The following MGAT4C variants were observed in gnomAD, a reference collection of about 807,000 sequenced individuals.
MGAT4C encodes the protein alpha-1,3-mannosyl-glycoprotein 4-beta-N-acetylglucosaminyltransferase C.
In MGAT4C, 19 loss-of-function variants were observed where a neutral mutation model predicts 40.1. That is an observed-to-expected ratio of 0.47 (90% CI 0.33 to 0.70). The LOEUF is 0.70. MGAT4C is among the 30% of genes least tolerant of loss of function. The probability of loss-of-function intolerance (pLI) is 0.02; values close to 1 mark genes in which losing one functional copy is unlikely to be tolerated. For synonymous variants in MGAT4C, 181 were observed against 187.1 expected (o/e 0.97, Z 0.27); for missense variants, 491 against 563.2 (o/e 0.87, Z 1.30).
intron 1 of MGAT4C, among the ~76,000 whole-genome samples, chr12:86,797,554 G>C (rs1423985955): frequency 6.6e-6 from 1 of 151,708 alleles, no homozygotes; most frequent in Non-Finnish European, 1.5e-5. Flanking sequence ...TCTGTTTGTA[G>C]ACCCATTGCA....
Position 85,996,841 on chromosome 12 carries a change from A to G in MGAT4C, c.-6-7289T>C, listed in dbSNP as rs145431626. Reference sequence around the variant, plus strand: ...AAATAAATTCATTCATTTTCAATATATGAATATCGAAGTCCTCTATTTAAA... The same window carrying G: ...AAATAAATTCATTCATTTTCAATATGTGAATATCGAAGTCCTCTATTTAAA... On this transcript the variant is annotated intron_variant, in intron 2 of 4. Coordinates refer to ENST00000611864, the MANE Select transcript of MGAT4C (RefSeq NM_001351288.2). Among the ~76,000 whole-genome samples, 255 of 152,352 alleles carry G rather than the reference A, an allele frequency of 1.7e-3. 2 individuals carry two copies. The highest frequency in any genetic ancestry group is 5.8e-3 in the African/African-American group (241 of 41,582).
chr12:86,713,123 G>T (rs1441120903), intron 2 of MGAT4C, among the ~76,000 whole-genome samples: 2 of 151,154 alleles, frequency 1.3e-5, no homozygotes, highest in South Asian at 2.1e-4. Flanking sequence ...CACACACCAT[G>T]CTATTTATAC....
Position 86,642,808 on chromosome 12 carries a change from A to G in MGAT4C, c.-229+84401T>C. 2.0e-5 allele frequency among the ~76,000 whole-genome samples: 3 copies of G among 151,604 alleles called. No individual in the cohort carries two copies. The South Asian group carries it at 6.2e-4, about 31-fold the overall frequency. On this transcript the variant is annotated intron_variant, in intron 2 of 7. Transcript: ENST00000548651. ...CATTTTATATGTATATATATATTTT[A>G]TATGTATATCTATGTGATACCACAT...
chr12:86,030,421 A>C (rs1297654434), intron 2 of MGAT4C, among the ~76,000 whole-genome samples: 1 of 151,770 alleles, frequency 6.6e-6, no homozygotes, highest in Non-Finnish European at 1.5e-5. Context: ...GAGTATGACT[A>C]CATGTACAGA....
chr12:86,199,359 A>G (rs934037464), intron 1 of MGAT4C, among the ~76,000 whole-genome samples: 17 of 131,766 alleles, frequency 1.3e-4, no homozygotes, highest in African/African-American at 4.4e-4. Flanking sequence ...GAGAGATGAC[A>G]ATGTTAAGGG....
At chr12:86,281,899 C>A (rs1363872229) in intron 4 of MGAT4C, among the ~76,000 whole-genome samples, 4 of 152,010 alleles carry the variant, frequency 2.6e-5, no homozygotes, top group African/African-American at 9.7e-5. Context: ...TTTTCCCTTT[C>A]TTTAGCCTTT....
At chr12:86,689,586 T>TC (rs1950137727) in intron 2 of MGAT4C, among the ~76,000 whole-genome samples, 2 of 152,210 alleles carry the variant, frequency 1.3e-5, no homozygotes, top group South Asian at 4.1e-4. Context: ...TGCAGGTCTG[T>TC]TGGAGTTTGC....
chr12:86,706,218 TG>T (rs1950454535), intron 2 of MGAT4C, among the ~76,000 whole-genome samples: 1 of 152,178 alleles, frequency 6.6e-6, no homozygotes, highest in African/African-American at 2.4e-5. Context: ...CTACATTTTT[TG>T]TCTTACTGGA....
intron 2 of MGAT4C, among the ~76,000 whole-genome samples, chr12:86,717,093 C>CT (rs911495894): frequency 6.6e-6 from 1 of 151,666 alleles, no homozygotes; most frequent in African/African-American, 2.4e-5. Context: ...ATGTTGTGCT[C>CT]TTTTTTTGGC....
At chr12:86,808,779 C>A (rs1325494813) in intron 1 of MGAT4C, among the ~76,000 whole-genome samples, 1 of 151,950 alleles carries the variant, frequency 6.6e-6, no homozygotes, top group South Asian at 2.1e-4. Context: ...TTGTCCAGCA[C>A]AATCAAGCAA....
intron 1 of MGAT4C, among the ~76,000 whole-genome samples, chr12:86,800,431 T>C (rs761033239): frequency 6.6e-6 from 1 of 151,880 alleles, no homozygotes; most frequent in African/African-American, 2.4e-5. Flanking sequence ...TTATAATCAA[T>C]ACTTGAATTA....
chr12:86,148,059 C>T (rs977383941), intron 1 of MGAT4C, among the ~76,000 whole-genome samples: 4 of 152,050 alleles, frequency 2.6e-5, no homozygotes, highest in South Asian at 2.1e-4. Flanking sequence ...AAAACTACAA[C>T]ATCTATATTG....
At chr12:86,490,385 C>T (rs185669242) in intron 2 of MGAT4C, among the ~76,000 whole-genome samples, 4 of 151,680 alleles carry the variant, frequency 2.6e-5, no homozygotes, top group African/African-American at 4.8e-5. Context: ...AGAGATTTTG[C>T]CACCACCAGG....
rs114619539 is a variant in MGAT4C at position 86,440,879 on chromosome 12, T to A, written c.-228-5614A>T. Among the ~76,000 whole-genome samples, 379 of 151,466 alleles carry A rather than the reference T, an allele frequency of 2.5e-3. 2 individuals are homozygous for A. Among genetic ancestry groups the A allele is most frequent in the African/African-American group, 8.8e-3 (365 of 41,332 alleles). On this transcript the variant is annotated intron_variant, in intron 2 of 7. Coordinates refer to the MGAT4C transcript ENST00000548651. ...ACAACTCAATCCCTTTTACAATAACTAAAAAAAATCTAGGAATATGCTTAA... is the reference window on the plus strand; with the variant it reads ...ACAACTCAATCCCTTTTACAATAACAAAAAAAAATCTAGGAATATGCTTAA...
intron 1 of MGAT4C, among the ~76,000 whole-genome samples, chr12:86,191,670 CACA>C (rs1566119199): frequency 2.6e-4 from 36 of 140,290 alleles, no homozygotes; most frequent in Middle Eastern, 3.5e-3. Context: ...CACACACACA[CACA>C]CCCTTATCTC....
chr12:85,994,326 T>A (rs187801802), intron 2 of MGAT4C, among the ~76,000 whole-genome samples: 5 of 152,332 alleles, frequency 3.3e-5, no homozygotes, highest in Non-Finnish European at 5.9e-5. Context: ...AAAGTTTCCA[T>A]GGTGTATACC....
chr12:86,498,205 T>C (rs1255306654), intron 2 of MGAT4C, among the ~76,000 whole-genome samples: 1 of 151,396 alleles, frequency 6.6e-6, no homozygotes, highest in Non-Finnish European at 1.5e-5. Context: ...TTGAGACTTA[T>C]TTTAAAAAGT....
chr12:86,028,319 T>A (rs558146983), intron 2 of MGAT4C: 11 of 429,512 alleles, frequency 2.6e-5, no homozygotes, highest in Non-Finnish European at 4.5e-5. Context: ...TCTGCTGACA[T>A]ACGTTGAGCT....
intron 1 of MGAT4C, among the ~76,000 whole-genome samples, chr12:86,175,519 A>C (rs1052184426): frequency 2.6e-5 from 4 of 152,116 alleles, no homozygotes; most frequent in African/African-American, 9.7e-5. Context: ...TCTTCTGGTG[A>C]ATCTGCCAAA....
Sources: gnomAD v4.1 joint callset for allele counts (sites outside exome capture counted in the v4.1 genomes callset) on GRCh38, gnomAD v4.1.1 for gene constraint, MANE v1.5 for transcripts, NCBI Gene and HGNC (gene_info 2026-07-23, HGNC 2026-07-21) for gene names.